Variants in TMEM131L observed in about 807,000 individuals in gnomAD.
TMEM131L encodes transmembrane 131 like, also known as transmembrane protein 131-like.
A neutral mutation model predicts 192.2 loss-of-function variants in TMEM131L; 54 were observed. The observed-to-expected ratio is 0.28, with a 90% CI of 0.23 to 0.35. TMEM131L has a LOEUF of 0.35. Ranked by LOEUF, TMEM131L falls within the 10% of genes least tolerant of loss-of-function variation. The probability of loss-of-function intolerance (pLI) is 1.00; values close to 1 mark genes in which losing one functional copy is unlikely to be tolerated. For missense variants in TMEM131L, 1,888 were observed against 1,972.9 expected (o/e 0.96, Z 0.82); for synonymous variants, 701 against 704.9 (o/e 0.99, Z 0.09).
chr4:153,617,314 T>C (rs1377031228), intron 26 of TMEM131L, among the ~76,000 whole-genome samples: 1 of 152,196 alleles, frequency 6.6e-6, no homozygotes, highest in East Asian at 1.9e-4. Context: ...TTTTGTAAAT[T>C]GCCCAGTCTT....
intron 33 of TMEM131L, 57 bp from the exon 34 acceptor site, chr4:153,635,375 G>T (rs554077125): frequency 3.8e-6 from 6 of 1,561,884 alleles, no homozygotes; most frequent in Admixed American, 1.7e-5. Context: ...CTGAGAGTGA[G>T]AATTCAGTTC....
At chr4:153,582,420 G>GTTTTTTTTTT (rs1216119441) in intron 9 of TMEM131L, among the ~76,000 whole-genome samples, 7 of 81,834 alleles carry the variant, frequency 8.6e-5, no homozygotes, top group African/African-American at 1.6e-4. Flanking sequence ...AATTTAAACC[G>GTTTTTTTTTT]TTTTTTTTTG....
chr4:153,626,624 C>A (rs539190487), intron 30 of TMEM131L, among the ~76,000 whole-genome samples: 45 of 152,254 alleles, frequency 3.0e-4, no homozygotes, highest in African/African-American at 1.0e-3. Flanking sequence ...TTAAATTAGG[C>A]GTAGCGGCGC....
intron 7 of TMEM131L, among the ~76,000 whole-genome samples, chr4:153,565,115 G>T (rs1729107241): frequency 6.6e-6 from 1 of 152,164 alleles, no homozygotes; most frequent in Admixed American, 6.5e-5. Flanking sequence ...TCTGCATGCC[G>T]CTTGGTCCAC....
Position 153,562,314 on chromosome 4 carries a change from G to A in TMEM131L, c.660+3946G>A, listed in dbSNP as rs546715137. Among the ~76,000 whole-genome samples, 5 of 152,254 alleles carry A rather than the reference G, an allele frequency of 3.3e-5. No homozygotes were observed. The South Asian group carries it at 1.0e-3, about 32-fold the overall frequency. On this transcript the variant is annotated intron_variant, in intron 7 of 34. Transcript: ENST00000409959. The stretch of plus-strand genomic sequence containing the variant: ...GCCTCCTAAAGTGCTGGAATTACAG[G>A]CATGAGCCACCGCACCCAGCCTAAA...
chr4:153,489,645 T>C (rs1247104652), intron 3 of TMEM131L, among the ~76,000 whole-genome samples: 1 of 152,022 alleles, frequency 6.6e-6, no homozygotes, highest in African/African-American at 2.4e-5. Context: ...GCCCGGCTAA[T>C]TTTTGTATTT....
intron 3 of TMEM131L, among the ~76,000 whole-genome samples, chr4:153,542,837 G>A (rs767123252): frequency 5.9e-5 from 9 of 152,188 alleles, no homozygotes; most frequent in Non-Finnish European, 1.2e-4. Flanking sequence ...AGGGGGCTGT[G>A]AGCCTGGGAT....
intron 9 of TMEM131L, 84 bp downstream of exon 9, chr4:153,581,644 T>C: frequency 1.1e-6 from 1 of 938,914 alleles, no homozygotes; most frequent in South Asian, 3.1e-5. Context: ...GATTGTATCA[T>C]AGCAAACCAA....
At chr4:153,606,988 C>A (rs1441043132) in intron 25 of TMEM131L, among the ~76,000 whole-genome samples, 1 of 152,092 alleles carries the variant, frequency 6.6e-6, no homozygotes, top group Non-Finnish European at 1.5e-5. Context: ...CAGCACTGTC[C>A]TGGGAAAATA....
Position 153,555,021 on chromosome 4 carries a change from G to A in TMEM131L, c.309-766G>A, listed in dbSNP as rs2150451022. 6.6e-6 allele frequency among the ~76,000 whole-genome samples: 1 copy of A among 152,190 alleles called. No homozygotes were observed. Among genetic ancestry groups the A allele is most frequent in the East Asian group, 1.9e-4 (1 of 5,202 alleles). On this transcript the variant is annotated intron_variant, in intron 4 of 34. Transcript: ENST00000409959. The surrounding 1 kb of genome is among the most constrained non-coding windows in gnomAD (Gnocchi z 4.1). The stretch of plus-strand genomic sequence containing the variant: ...CAGGGATTCTTACTCTGAGGTTTGT[G>A]GAAGGTTTTGAAGCTGTGTATGAAA...
chr4:153,466,794 T>C (rs1161409276), intron 1 of TMEM131L, among the ~76,000 whole-genome samples: 4 of 152,086 alleles, frequency 2.6e-5, no homozygotes, highest in Non-Finnish European at 5.9e-5. Context: ...CGCGGGCCCC[T>C]GCGCCCCGGG....
At chr4:153,552,466 A>G (rs1208644075) in intron 4 of TMEM131L, among the ~76,000 whole-genome samples, 7 of 152,160 alleles carry the variant, frequency 4.6e-5, no homozygotes, top group Admixed American at 1.3e-4. Flanking sequence ...CAGGACCCCC[A>G]TGGATACCAA....
intron 3 of TMEM131L, among the ~76,000 whole-genome samples, chr4:153,487,825 T>C (rs1732458978): frequency 6.8e-6 from 1 of 146,722 alleles, no homozygotes; most frequent in African/African-American, 2.5e-5. Flanking sequence ...GAGAGACCCT[T>C]GTGGGCCTGT....
chr4:153,603,529 A>T, intron 24 of TMEM131L, 77 bp downstream of exon 24: 1 of 1,447,460 alleles, frequency 6.9e-7, no homozygotes, highest in East Asian at 2.3e-5. Context: ...ATTTAATTTT[A>T]AGTAAACATA....
intron 19 of TMEM131L, among the ~76,000 whole-genome samples, chr4:153,594,324 T>G (rs1470386833): frequency 6.6e-6 from 1 of 152,226 alleles, no homozygotes; most frequent in African/African-American, 2.4e-5. Context: ...AAAAAAGGAC[T>G]ACTCTAAAAT....
chr4:153,471,970 G>GT (rs1731191378), intron 2 of TMEM131L, among the ~76,000 whole-genome samples: 2 of 152,236 alleles, frequency 1.3e-5, no homozygotes, highest in South Asian at 4.2e-4. Context: ...GTTATCACAG[G>GT]TACTGTGTTA....
At chr4:153,500,910 T>TAATG (rs1733560585) in intron 3 of TMEM131L, among the ~76,000 whole-genome samples, 1 of 152,180 alleles carries the variant, frequency 6.6e-6, no homozygotes. Flanking sequence ...AGACGCCGTT[T>TAATG]AATGATCAGA....
intron 25 of TMEM131L, among the ~76,000 whole-genome samples, chr4:153,608,637 T>A (rs893220916): frequency 1.3e-5 from 2 of 152,220 alleles, no homozygotes; most frequent in Non-Finnish European, 2.9e-5. Flanking sequence ...CTGAATTACA[T>A]TCCTCACCTT....
chr4:153,479,401 C>T (rs373783434), intron 3 of TMEM131L, among the ~76,000 whole-genome samples: 1 of 152,120 alleles, frequency 6.6e-6, no homozygotes. Context: ...TGAGAAAGAT[C>T]GTTTTTGGGA....
Sources: allele counts gnomAD v4.1 joint callset (sites outside exome capture counted in the v4.1 genomes callset), GRCh38; gene constraint gnomAD v4.1.1; non-coding constraint Gnocchi (gnomAD v3.1); transcripts MANE v1.5; gene names NCBI Gene and HGNC (gene_info 2026-07-23, HGNC 2026-07-21).